Variants in PKNOX2 observed in about 807,000 individuals in gnomAD.
PKNOX2 encodes PBX/knotted 1 homeobox 2.
In PKNOX2, 14 loss-of-function variants were observed where a neutral mutation model predicts 53.1. The observed-to-expected ratio is 0.26, with a 90% CI of 0.17 to 0.41. PKNOX2 has a LOEUF of 0.41. PKNOX2 is among the 10% of genes least tolerant of loss of function. PKNOX2 has a pLI of 1.00. For synonymous variants in PKNOX2, 257 were observed against 242.8 expected, an observed-to-expected ratio of 1.06 and a Z score of -0.54; for missense variants, 496 against 602.8, an observed-to-expected ratio of 0.82 and a Z score of 1.85.
intron 2 of PKNOX2, among the ~76,000 whole-genome samples, chr11:125,272,914 C>T (rs759902664): frequency 5.9e-5 from 9 of 152,228 alleles, no homozygotes; most frequent in Non-Finnish European, 1.3e-4. Flanking sequence ...CACTGACTGT[C>T]GGGTCTGGCC....
In PKNOX2 at chr11:125,193,831, G is replaced by A. The variant is rs193146568; in HGVS notation, c.-201+29055G>A. On this transcript the variant is annotated intron_variant, in intron 1 of 12. Transcript: ENST00000298282. The stretch of plus-strand genomic sequence containing the variant: ...AGCAGGGGACAAGGATTTAAGGATG[G>A]AATGGAGCACATTCAAGAACTGCTG... Among the ~76,000 whole-genome samples the A allele has an allele frequency of 2.5e-3, 384 of 152,280 alleles. 2 individuals are homozygous for A. The highest frequency in any genetic ancestry group is 6.8e-3 in the Middle Eastern group (2 of 294).
chr11:125,390,904 ATTCACCTTTTT>A (rs1279436956), intron 6 of PKNOX2, among the ~76,000 whole-genome samples: 3 of 152,164 alleles, frequency 2.0e-5, no homozygotes, highest in Non-Finnish European at 1.5e-5. Context: ...AATCACTGGT[ATTCACCTTTTT>A]TTCATGTCCC....
chr11:125,370,846 T>C lies in PKNOX2; in HGVS notation c.227+2861T>C, dbSNP rs1407082574. Among the ~76,000 whole-genome samples, 3 of 152,220 alleles carry C rather than the reference T, an allele frequency of 2.0e-5. No individual in the cohort carries two copies. Among genetic ancestry groups the C allele is most frequent in the African/African-American group, 7.2e-5 (3 of 41,454 alleles). On this transcript the variant is annotated intron_variant, in intron 5 of 12. Coordinates refer to ENST00000298282, the MANE Select transcript of PKNOX2 (RefSeq NM_001382323.2). The surrounding 1 kb of genome is among the most constrained non-coding windows in gnomAD (Gnocchi z 4.1). ...CACATCAGGGAGTCGGCATTTTATG[T>C]CAATAAGTGTAACCAGACCCTTTCC... is the stretch of plus-strand genomic sequence containing the variant.
At chr11:125,197,404 A>G (rs1202101498) in intron 1 of PKNOX2, among the ~76,000 whole-genome samples, 4 of 152,164 alleles carry the variant, frequency 2.6e-5, no homozygotes, top group Admixed American at 2.6e-4. Context: ...AGGTCTTTGA[A>G]GCCAAGGATC....
At chr11:125,241,775 A>G (rs1191353356) in intron 2 of PKNOX2, among the ~76,000 whole-genome samples, 1 of 152,176 alleles carries the variant, frequency 6.6e-6, no homozygotes, top group Non-Finnish European at 1.5e-5. Flanking sequence ...GAATTGCTTG[A>G]ACCCAGGAGG....
intron 1 of PKNOX2, among the ~76,000 whole-genome samples, chr11:125,234,502 A>G (rs142536437): frequency 1.8e-4 from 28 of 152,208 alleles, no homozygotes; most frequent in African/African-American, 6.5e-4. Context: ...TTCCTGCCCA[A>G]TTGGACTCTT....
At chr11:125,369,075 T>C (rs1952367576) in intron 5 of PKNOX2, among the ~76,000 whole-genome samples, 1 of 152,212 alleles carries the variant, frequency 6.6e-6, no homozygotes. Flanking sequence ...ACCACCCCAA[T>C]GACGGTGCCT....
intron 6 of PKNOX2, among the ~76,000 whole-genome samples, chr11:125,391,847 C>A (rs1954068361): frequency 6.6e-6 from 1 of 152,200 alleles, no homozygotes; most frequent in Non-Finnish European, 1.5e-5. Context: ...ATTAAGGATG[C>A]ATTCACCACA....
chr11:125,431,133 C>A (rs771096945), intron 12 of PKNOX2, 33 bp from the exon 13 acceptor site: 7 of 1,604,210 alleles, frequency 4.4e-6, no homozygotes, highest in Admixed American at 1.7e-5. Flanking sequence ...CCAGCAGCCC[C>A]TGCCTCGTCC....
At chr11:125,267,420 G>A (rs1429284208) in intron 2 of PKNOX2, among the ~76,000 whole-genome samples, 1 of 152,218 alleles carries the variant, frequency 6.6e-6, no homozygotes, top group Non-Finnish European at 1.5e-5. Flanking sequence ...TGTTCCCTCT[G>A]CCTGGCTGGG....
chr11:125,288,713 C>T (rs1947088622), intron 2 of PKNOX2, among the ~76,000 whole-genome samples: 1 of 152,240 alleles, frequency 6.6e-6, no homozygotes, highest in Non-Finnish European at 1.5e-5. Flanking sequence ...TCACGTTGTG[C>T]ACCATCCCCA....
chr11:125,227,637 T>A (rs577457892), intron 1 of PKNOX2, among the ~76,000 whole-genome samples: 1 of 152,230 alleles, frequency 6.6e-6, no homozygotes, highest in Non-Finnish European at 1.5e-5. Context: ...CATCTGTTGA[T>A]GGATACTGGG....
At position 125,357,015 on chromosome 11, in the gene PKNOX2, G is replaced by C. The variant is rs183834033; in HGVS notation, c.87+5623G>C. Among the ~76,000 whole-genome samples the C allele has an allele frequency of 1.0e-3, 152 of 152,382 alleles. 3 individuals are homozygous for C. The East Asian group carries it at 0.027, about 27-fold the overall frequency. On this transcript the variant is annotated intron_variant, in intron 4 of 12. Transcript: ENST00000298282. ...GAAACACATTTGCTTTGCAGCAATA[G>C]AGTTAATTCAGCAGCTTTGAAAGTT...
At chr11:125,372,181 C>G (rs114878943) in intron 5 of PKNOX2, among the ~76,000 whole-genome samples, 2,914 of 152,240 alleles carry the variant, frequency 0.019, 101 homozygotes, top group African/African-American at 0.066. Context: ...CGGCAAACGT[C>G]TCTCGAGGCG....
At chr11:125,372,980 G>A (rs1952635668) in intron 5 of PKNOX2, among the ~76,000 whole-genome samples, 1 of 152,258 alleles carries the variant, frequency 6.6e-6, no homozygotes, top group South Asian at 2.1e-4. Context: ...ATCCACAGTT[G>A]TGTGGGGAGG....
intron 7 of PKNOX2, among the ~76,000 whole-genome samples, chr11:125,403,144 C>G (rs768538120): frequency 6.6e-6 from 1 of 152,132 alleles, no homozygotes; most frequent in Non-Finnish European, 1.5e-5. Context: ...CATTCATTCA[C>G]GCATCCTGCA....
chr11:125,262,559 G>A (rs1290849655), intron 2 of PKNOX2, among the ~76,000 whole-genome samples: 1 of 151,964 alleles, frequency 6.6e-6, no homozygotes, highest in Non-Finnish European at 1.5e-5. Flanking sequence ...CCCAGAAACC[G>A]ATTTTAATGC....
chr11:125,386,125 G>A (rs1341915976), intron 6 of PKNOX2, among the ~76,000 whole-genome samples: 1 of 152,180 alleles, frequency 6.6e-6, no homozygotes, highest in African/African-American at 2.4e-5. Context: ...GCCACTGTAT[G>A]GAGGATGAAG....
In PKNOX2 at chr11:125,195,883, GCACACACACA is replaced by G. The variant is rs56021315; in HGVS notation, c.-201+31138_-201+31147del. ...ATTCTCTCCCAAGGAATATGTACAT[GCACACACACA>G]CACACACACACACACACACACACAC... On this transcript the variant is annotated intron_variant, in intron 1 of 12. Transcript: ENST00000298282. Among the ~76,000 whole-genome samples the G allele has an allele frequency of 7.7e-3, 1,102 of 143,870 alleles. 7 individuals carry two copies. Among genetic ancestry groups the G allele is most frequent in the African/African-American group, 0.02 (795 of 38,878 alleles). The allele number at this position is 143,870 out of a possible 152,430, so 94.4% of individuals were successfully genotyped here. A position where few individuals can be genotyped will look rare whatever the true frequency, so the allele number is the denominator to read the frequency against.
Sources: gnomAD v4.1 joint callset for allele counts (sites outside exome capture counted in the v4.1 genomes callset) on GRCh38, gnomAD v4.1.1 for gene constraint, Gnocchi (gnomAD v3.1) non-coding constraint, MANE v1.5 for transcripts, NCBI Gene and HGNC (gene_info 2026-07-23, HGNC 2026-07-21) for gene names.